Variants in IQSEC1 observed in about 807,000 individuals in gnomAD.
IQSEC1 encodes the protein IQ motif and SEC7 domain-containing protein 1.
A neutral mutation model predicts 91.0 loss-of-function variants in IQSEC1; 31 were observed. That is an observed-to-expected ratio of 0.34 (90% CI 0.26 to 0.46). The LOEUF (loss-of-function observed/expected upper bound fraction) is 0.46. Among genes scored for constraint, IQSEC1 ranks in the 20% least tolerant of loss-of-function variants. The pLI, the probability that IQSEC1 is intolerant of heterozygous loss-of-function variation, is 1.00. For synonymous variants in IQSEC1, 699 were observed against 662.6 expected, an observed-to-expected ratio of 1.05 and a Z score of -0.84; for missense variants, 1,388 against 1,575.6, an observed-to-expected ratio of 0.88 and a Z score of 2.02.
chr3:13,027,524 T>C (rs549226148), intron 1 of IQSEC1, among the ~76,000 whole-genome samples: 6 of 152,124 alleles, frequency 3.9e-5, no homozygotes, highest in African/African-American at 1.4e-4. Context: ...ACTGGGGTGG[T>C]GGACAGGAAG....
chr3:13,092,558 A>C (rs1305376195), intron 2 of IQSEC1, among the ~76,000 whole-genome samples: 1 of 152,074 alleles, frequency 6.6e-6, no homozygotes, highest in Non-Finnish European at 1.5e-5. Flanking sequence ...GACCCTAAGG[A>C]CCAGGAGCAG....
At chr3:13,260,540 G>A (rs1203552383) in intron 1 of IQSEC1, among the ~76,000 whole-genome samples, 2 of 152,220 alleles carry the variant, frequency 1.3e-5, no homozygotes, top group African/African-American at 4.8e-5. Flanking sequence ...GACAGCCAAA[G>A]CCCACGTTCC....
At chr3:13,177,041 G>A (rs987979898) in intron 1 of IQSEC1, among the ~76,000 whole-genome samples, 3 of 152,234 alleles carry the variant, frequency 2.0e-5, no homozygotes, top group African/African-American at 7.2e-5. Flanking sequence ...GATGTCAGGG[G>A]CTGGGGAGAG....
intron 1 of IQSEC1, among the ~76,000 whole-genome samples, chr3:12,953,701 G>C (rs114524660): frequency 2.6e-5 from 4 of 152,122 alleles, no homozygotes; most frequent in Non-Finnish European, 2.9e-5. Flanking sequence ...GCAGTTTTTC[G>C]CACTGCCCCT....
intron 1 of IQSEC1, among the ~76,000 whole-genome samples, chr3:12,953,818 G>A (rs1324573579): frequency 2.6e-5 from 4 of 152,236 alleles, no homozygotes; most frequent in Non-Finnish European, 4.4e-5. Context: ...CAACACTTGA[G>A]TTGGAACCCC....
chr3:12,901,802 TCA>T (rs1434301803), intron 13 of IQSEC1, among the ~76,000 whole-genome samples: 1 of 152,158 alleles, frequency 6.6e-6, no homozygotes, highest in Non-Finnish European at 1.5e-5. Flanking sequence ...ACTTCTGGTC[TCA>T]TTCTGACAAG....
At chr3:13,081,064 T>C (rs1249701822) in intron 2 of IQSEC1, among the ~76,000 whole-genome samples, 3 of 152,136 alleles carry the variant, frequency 2.0e-5, no homozygotes, top group Admixed American at 2.0e-4. Context: ...TTAAAAGAGA[T>C]GTTTACAATG....
intron 1 of IQSEC1, among the ~76,000 whole-genome samples, chr3:13,266,286 T>C (rs1695488580): frequency 6.6e-6 from 1 of 152,264 alleles, no homozygotes; most frequent in African/African-American, 2.4e-5. Flanking sequence ...TCCATCTCAA[T>C]GCCATCGCCC....
intron 1 of IQSEC1, among the ~76,000 whole-genome samples, chr3:13,052,313 T>TA (rs1168851054): frequency 6.6e-6 from 1 of 152,256 alleles, no homozygotes; most frequent in African/African-American, 2.4e-5. Flanking sequence ...TGCCACTTTT[T>TA]AAGACCGGCT....
At chr3:12,910,089 C>A (rs942427184) in intron 10 of IQSEC1, among the ~76,000 whole-genome samples, 1 of 152,238 alleles carries the variant, frequency 6.6e-6, no homozygotes, top group East Asian at 1.9e-4. Flanking sequence ...ATTACTGCCA[C>A]GTGGGAACAT....
At chr3:13,165,765 T>A (rs1693483764) in intron 1 of IQSEC1, among the ~76,000 whole-genome samples, 1 of 151,840 alleles carries the variant, frequency 6.6e-6, no homozygotes, top group African/African-American at 2.4e-5. Flanking sequence ...CCAGGCAACA[T>A]CATGACTGCA....
chr3:13,103,040 G>A lies in IQSEC1; in HGVS notation c.303-55518C>T, dbSNP rs1159861955. Among the ~76,000 whole-genome samples the A allele has an allele frequency of 6.6e-6, 1 of 152,080 alleles. No homozygotes were observed. Among genetic ancestry groups the A allele is most frequent in the African/African-American group, 2.4e-5 (1 of 41,406 alleles). On this transcript the variant is annotated intron_variant, in intron 2 of 15. Coordinates refer to the IQSEC1 transcript ENST00000648114. This position sits in a 1 kb window ranked among gnomAD's most constrained non-coding sequence, Gnocchi z 4.1. ...GCCCCCCTACCTCAACCTGTGGGCT[G>A]GATGTCGGAAGGGACTCTGACTTCT... is the stretch of plus-strand genomic sequence containing the variant.
chr3:13,007,859 C>T (rs973867849), intron 1 of IQSEC1, among the ~76,000 whole-genome samples: 1 of 152,108 alleles, frequency 6.6e-6, no homozygotes, highest in African/African-American at 2.4e-5. Context: ...CCGTACCCCG[C>T]CCCAGAGTCC....
At chr3:12,929,844 C>A (rs1324325320) in intron 3 of IQSEC1, among the ~76,000 whole-genome samples, 1 of 152,224 alleles carries the variant, frequency 6.6e-6, no homozygotes, top group East Asian at 1.9e-4. Flanking sequence ...TAGTCGGAGC[C>A]TCCTGGCTCC....
At position 12,923,984 on chromosome 3, in the gene IQSEC1, G is replaced by A. The variant is rs529074694; in HGVS notation, c.1730+597C>T. 8.9e-4 allele frequency among the ~76,000 whole-genome samples: 135 copies of A among 152,356 alleles called. 1 individual carries two copies. The highest frequency in any genetic ancestry group is 3.1e-3 in the African/African-American group (129 of 41,590). ...CCAGCTCTCTGAACTGAGAAGAGCTGTGGAATCAGGAGGTGGGGGCAGGAC... is the reference window on the plus strand; with the variant it reads ...CCAGCTCTCTGAACTGAGAAGAGCTATGGAATCAGGAGGTGGGGGCAGGAC... On this transcript the variant is annotated intron_variant, in intron 4 of 13. Coordinates refer to ENST00000613206, the MANE Select transcript of IQSEC1 (RefSeq NM_001134382.3).
At chr3:13,230,861 C>A (rs543190197) in intron 1 of IQSEC1, among the ~76,000 whole-genome samples, 1 of 152,222 alleles carries the variant, frequency 6.6e-6, no homozygotes, top group Admixed American at 6.5e-5. Context: ...CATTGGTCCT[C>A]TTCAACTGGG....
At chr3:13,210,709 C>T (rs1559278188) in intron 1 of IQSEC1, among the ~76,000 whole-genome samples, 1 of 152,208 alleles carries the variant, frequency 6.6e-6, no homozygotes, top group Non-Finnish European at 1.5e-5. Context: ...AGGAGAGTGT[C>T]TCGGGGGCCG....
chr3:12,978,474 G>T (rs1008349832), intron 1 of IQSEC1, among the ~76,000 whole-genome samples: 1 of 152,066 alleles, frequency 6.6e-6, no homozygotes, highest in East Asian at 1.9e-4. Flanking sequence ...TGAGGCGGGC[G>T]GATCACATGG....
chr3:13,043,808 G>A lies in IQSEC1; in HGVS notation c.23+29184C>T, dbSNP rs537935431. Among the ~76,000 whole-genome samples the A allele has an allele frequency of 2.6e-5, 4 of 152,182 alleles. No homozygotes were observed. In the East Asian group the frequency reaches 5.8e-4, roughly 22 times the overall value. On this transcript the variant is annotated intron_variant, in intron 1 of 13. Transcript: ENST00000613206. ...GGCACCACACTCACCCCCTCTGGCC[G>A]CTTTGGGGCCCAGGTTTGCACAACC...
Sources: allele counts gnomAD v4.1 joint callset (sites outside exome capture counted in the v4.1 genomes callset), GRCh38; gene constraint gnomAD v4.1.1; non-coding constraint Gnocchi (gnomAD v3.1); transcripts MANE v1.5; gene names NCBI Gene and HGNC (gene_info 2026-07-23, HGNC 2026-07-21).